The following LIMS1 variants were observed in gnomAD, a reference collection of about 807,000 sequenced individuals.
LIMS1 encodes the protein LIM and senescent cell antigen-like-containing domain protein 1.
LIMS1 carries 18 observed loss-of-function variants against 44.1 expected under a neutral mutation model. That is an observed-to-expected ratio of 0.41 (90% confidence interval 0.28 to 0.61). The LOEUF is 0.61. Ranked by LOEUF, LIMS1 falls within the 20% of genes least tolerant of loss-of-function variation. LIMS1 has a pLI of 0.32. For synonymous variants in LIMS1, 93 were observed against 149.1 expected, an observed-to-expected ratio of 0.62 and a Z score of 2.74; for missense variants, 201 against 422.0, an observed-to-expected ratio of 0.48 and a Z score of 4.59.
At chr2:108,599,992 C>G (rs1253174969) in intron 1 of LIMS1, among the ~76,000 whole-genome samples, 4 of 150,942 alleles carry the variant, frequency 2.7e-5, no homozygotes, top group Admixed American at 1.3e-4. Flanking sequence ...TGTCTTTTCT[C>G]TTTGTTGACT....
chr2:108,631,039 A>T (rs554802850), intron 1 of LIMS1, among the ~76,000 whole-genome samples: 1 of 152,326 alleles, frequency 6.6e-6, no homozygotes, highest in South Asian at 2.1e-4. Flanking sequence ...GACAATTAAA[A>T]TTTATTATGA....
chr2:108,666,372 C>T (rs866015364), intron 2 of LIMS1, among the ~76,000 whole-genome samples: 100 of 138,194 alleles, frequency 7.2e-4, no homozygotes, highest in African/African-American at 2.6e-3. Context: ...AACTGGAGTG[C>T]AGTGGAACAA....
chr2:108,670,378 A>C (rs1269042478), intron 2 of LIMS1, among the ~76,000 whole-genome samples: 1 of 151,298 alleles, frequency 6.6e-6, no homozygotes, highest in East Asian at 2.0e-4. Context: ...ATTTGAGGTT[A>C]CAGTGAGAAT....
At chr2:108,605,999 G>T (rs1687250291) in intron 1 of LIMS1, among the ~76,000 whole-genome samples, 1 of 152,258 alleles carries the variant, frequency 6.6e-6, no homozygotes, top group South Asian at 2.1e-4. Context: ...CAGGCAGCGT[G>T]GCCCTCGGGC....
chr2:108,686,044 T>C (rs983823024), exon 10 of LIMS1: 5 of 152,184 alleles, frequency 3.3e-5, no homozygotes, highest in Admixed American at 2.0e-4. Flanking sequence ...TATGAATTAG[T>C]GGACAGGCAC....
intron 1 of LIMS1, among the ~76,000 whole-genome samples, chr2:108,640,363 A>G (rs559805322): frequency 6.6e-6 from 1 of 152,360 alleles, no homozygotes; most frequent in Admixed American, 6.5e-5. Context: ...ACAAGCCACC[A>G]CATAGGTCGT....
chr2:108,644,746 C>T (rs116072767), intron 1 of LIMS1, among the ~76,000 whole-genome samples: 3,062 of 151,920 alleles, frequency 0.02, 62 homozygotes, highest in African/African-American at 0.047. Flanking sequence ...AAGTTAAGAA[C>T]GCTGAAAAAA....
chr2:108,648,279 A>C (rs1050828489), intron 1 of LIMS1, among the ~76,000 whole-genome samples: 1 of 152,222 alleles, frequency 6.6e-6, no homozygotes, highest in Non-Finnish European at 1.5e-5. Context: ...GACCTCTTCA[A>C]GGAGAACTAC....
At chr2:108,579,223 A>G (rs533533319) in intron 1 of LIMS1, among the ~76,000 whole-genome samples, 83 of 152,248 alleles carry the variant, frequency 5.5e-4, no homozygotes, top group African/African-American at 2.0e-3. Flanking sequence ...TGAGATTTGG[A>G]CAAAATGGTA....
intron 1 of LIMS1, among the ~76,000 whole-genome samples, chr2:108,578,131 G>A (rs565472850): frequency 6.2e-4 from 95 of 152,214 alleles, no homozygotes; most frequent in African/African-American, 2.2e-3. Flanking sequence ...GGCTGGTCTC[G>A]AACTCCTGAC....
chr2:108,548,199 G>A (rs1373404992), intron 1 of LIMS1, among the ~76,000 whole-genome samples: 1 of 152,144 alleles, frequency 6.6e-6, no homozygotes, highest in Non-Finnish European at 1.5e-5. Context: ...AGGTTACCTG[G>A]TTAATAAGAT....
intron 1 of LIMS1, among the ~76,000 whole-genome samples, chr2:108,603,058 T>G (rs1687093365): frequency 6.6e-6 from 1 of 152,094 alleles, no homozygotes; most frequent in Non-Finnish European, 1.5e-5. Flanking sequence ...AATGCTGAGA[T>G]TTACAGGCAC....
At chr2:108,637,099 ATG>A (rs74315160) in intron 1 of LIMS1, among the ~76,000 whole-genome samples, 8,647 of 98,282 alleles carry the variant, frequency 0.088, 270 homozygotes, top group African/African-American at 0.1. Context: ...ATATACATAT[ATG>A]TGTGTGTGTG....
At chr2:108,578,948 G>T (rs893482874) in intron 1 of LIMS1, among the ~76,000 whole-genome samples, 1 of 152,094 alleles carries the variant, frequency 6.6e-6, no homozygotes, top group African/African-American at 2.4e-5. Context: ...ATGATGTAGG[G>T]ATATCATTTT....
rs532619642 is a variant in LIMS1 at position 108,574,328 on chromosome 2, G to A, written c.32+39734G>A. On this transcript the variant is annotated intron_variant, in intron 1 of 9. Transcript: ENST00000544547. ...TTTTGTTTAAGCACTTTGAAGTTAA[G>A]GATGTGTAGGTTATTCCCTGCTTAT... Among the ~76,000 whole-genome samples, 15 of 152,322 alleles carry A rather than the reference G, an allele frequency of 9.8e-5. 1 individual carries two copies. The South Asian group carries it at 2.9e-3, about 29-fold the overall frequency.
upstream of LIMS1, chr2:108,534,144 G>A (rs1485007659): frequency 6.5e-6 from 1 of 153,488 alleles, no homozygotes; most frequent in Non-Finnish European, 1.4e-5. Flanking sequence ...GCGCTCCGTG[G>A]GCTCCCAATG....
At chr2:108,667,551 A>AAAAAAATATAT (rs765279788) in intron 2 of LIMS1, among the ~76,000 whole-genome samples, 6 of 130,484 alleles carry the variant, frequency 4.6e-5, no homozygotes, top group Non-Finnish European at 8.1e-5. Context: ...AAAAAAAAAA[A>AAAAAAATATAT]ATATATATAT....
chr2:108,593,270 A>G (rs189658165), intron 1 of LIMS1, among the ~76,000 whole-genome samples: 1 of 152,226 alleles, frequency 6.6e-6, no homozygotes, highest in Non-Finnish European at 1.5e-5. Flanking sequence ...ACCTTATCCA[A>G]GCCTCCCACT....
intron 1 of LIMS1, among the ~76,000 whole-genome samples, chr2:108,609,633 TA>T (rs1451566481): frequency 2.0e-5 from 3 of 152,216 alleles, no homozygotes; most frequent in South Asian, 2.1e-4. Context: ...ATGTATTTCA[TA>T]TGATCTTGGG....
Sources: gnomAD v4.1 joint callset for allele counts (sites outside exome capture counted in the v4.1 genomes callset) on GRCh38, gnomAD v4.1.1 for gene constraint, MANE v1.5 for transcripts, NCBI Gene and HGNC (gene_info 2026-07-23, HGNC 2026-07-21) for gene names.